Variants in EBF3 observed in about 807,000 individuals in gnomAD.
The protein encoded by EBF3 is transcription factor COE3.
Under a neutral mutation model 77.1 loss-of-function variants are expected in EBF3, and 18 were observed. The observed-to-expected ratio is 0.23, with a 90% CI of 0.16 to 0.35. The LOEUF (loss-of-function observed/expected upper bound fraction) is 0.35, where lower values mean the gene tolerates loss of function less well. Among genes scored for constraint, EBF3 ranks in the 10% least tolerant of loss-of-function variants. The probability of loss-of-function intolerance (pLI) is 1.00; values close to 1 mark genes in which losing one functional copy is unlikely to be tolerated. For missense variants in EBF3, 558 were observed against 860.0 expected, an observed-to-expected ratio of 0.65 and a Z score of 4.39; for synonymous variants, 350 against 343.5, an observed-to-expected ratio of 1.02 and a Z score of -0.21.
chr10:129,896,426 G>A (rs923344743), intron 6 of EBF3, among the ~76,000 whole-genome samples: 10 of 152,294 alleles, frequency 6.6e-5, no homozygotes, highest in South Asian at 4.1e-4. Flanking sequence ...CCGGCCACGC[G>A]GCCACCGTCA....
rs536000857 is a variant in EBF3, at chr10:129,919,457, G to A, written c.554+37801C>T. ...CTCTTCATCCAAGAGACCCACTCAC[G>A]GAGCCTGGGGTACATTCTAGTAGCA... On this transcript the variant is annotated intron_variant, in intron 6 of 16. Transcript: ENST00000440978. Among the ~76,000 whole-genome samples, 9 of 152,204 alleles carry A rather than the reference G, an allele frequency of 5.9e-5. No homozygotes were observed. In the South Asian group the frequency reaches 1.2e-3, roughly 21 times the overall value.
chr10:129,843,707 G>C (rs1219910772), intron 11 of EBF3, among the ~76,000 whole-genome samples: 5 of 152,346 alleles, frequency 3.3e-5, no homozygotes, highest in African/African-American at 1.2e-4. Context: ...ATTTGCAAGT[G>C]AGTTCAGTGC....
chr10:129,869,414 T>C (rs895075511), intron 8 of EBF3, among the ~76,000 whole-genome samples: 70 of 135,386 alleles, frequency 5.2e-4, no homozygotes, highest in Middle Eastern at 3.7e-3. Flanking sequence ...CGCCAGCTCC[T>C]GGCTTTGCTC....
chr10:129,899,159 T>C (rs1185665984), intron 6 of EBF3, among the ~76,000 whole-genome samples: 1 of 152,368 alleles, frequency 6.6e-6, no homozygotes, highest in African/African-American at 2.4e-5. Context: ...TTTAATCTTT[T>C]ATTAAGAGCT....
intron 6 of EBF3, among the ~76,000 whole-genome samples, chr10:129,922,281 T>C (rs1450235440): frequency 6.6e-6 from 1 of 151,758 alleles, no homozygotes; most frequent in Non-Finnish European, 1.5e-5. Flanking sequence ...GTGGGATGCA[T>C]CCCCCCAGCC....
At position 129,876,885 on chromosome 10, in the gene EBF3, A is replaced by ACCCCCCCCCCCCCCCC. The variant is rs10573399; in HGVS notation, c.636+867_636+882dup. Reference sequence around the variant, plus strand: ...TAAATCTATCATAATTCATCCCTGAACCCCCCCCCCCCCCCCACCCAGCTA... The same window carrying ACCCCCCCCCCCCCCCC: ...TAAATCTATCATAATTCATCCCTGAACCCCCCCCCCCCCCCCCCCCCCCCCCCCCCCCACCCAGCTA... On this transcript the variant is annotated intron_variant, in intron 7 of 16. Transcript: ENST00000440978. Among the ~76,000 whole-genome samples, 192 of 42,394 alleles carry ACCCCCCCCCCCCCCCC rather than the reference A, an allele frequency of 4.5e-3. 2 individuals carry two copies. Among genetic ancestry groups the ACCCCCCCCCCCCCCCC allele is most frequent in the Middle Eastern group, 0.021 (1 of 48 alleles). 27.8% of individuals were successfully genotyped at this position (42,394 alleles called of 152,430 possible). A position where few individuals can be genotyped will look rare whatever the true frequency, so the allele number is the denominator to read the frequency against.
intron 8 of EBF3, among the ~76,000 whole-genome samples, chr10:129,868,582 C>A (rs543867749): frequency 1.3e-5 from 2 of 151,732 alleles, no homozygotes; most frequent in Admixed American, 1.3e-4. Context: ...GCTGCTGCAC[C>A]GGCCGCAGAG....
At chr10:129,951,901 A>C (rs1419079588) in intron 6 of EBF3, among the ~76,000 whole-genome samples, 1 of 152,194 alleles carries the variant, frequency 6.6e-6, no homozygotes, top group Non-Finnish European at 1.5e-5. Flanking sequence ...TCAGAAGTTT[A>C]GGGGGAAAAA....
chr10:129,896,456 G>A (rs1260478922), intron 6 of EBF3, among the ~76,000 whole-genome samples: 4 of 152,188 alleles, frequency 2.6e-5, no homozygotes, highest in South Asian at 2.1e-4. Context: ...GCCTGGCGTC[G>A]CCCGCCATTC....
chr10:129,946,900 C>T (rs1589933478), intron 6 of EBF3, among the ~76,000 whole-genome samples: 1 of 152,210 alleles, frequency 6.6e-6, no homozygotes, highest in South Asian at 2.1e-4. Context: ...TGATAGTGAT[C>T]GCTGGCCTCC....
chr10:129,848,323 GCCCC>G lies in EBF3; in HGVS notation c.1128+65_1128+68del. ...ATCCCCCCTTCCCAGAGCACCTGCT[GCCCC>G]CAAACCAGAACCAGCCCAGTGGCGG... On this transcript the variant is annotated intron_variant, in intron 11 of 16. Coordinates refer to ENST00000440978, the MANE Select transcript of EBF3 (RefSeq NM_001375380.1). This position sits in a 1 kb window ranked among gnomAD's most constrained non-coding sequence, Gnocchi z 4.4. 4.7e-6 allele frequency: 7 copies of G among 1,488,700 alleles called. No individual in the cohort carries two copies. The South Asian group carries it at 7.9e-5, about 17-fold the overall frequency. 92.2% of individuals were successfully genotyped at this position (1,488,700 alleles called of 1,614,324 possible).
intron 10 of EBF3, among the ~76,000 whole-genome samples, chr10:129,850,685 G>A (rs962209784): frequency 2.0e-4 from 31 of 152,160 alleles, no homozygotes; most frequent in African/African-American, 6.3e-4. Flanking sequence ...TTTTTAAATT[G>A]CAGGAGGAAT....
chr10:129,878,584 G>A lies in EBF3; in HGVS notation c.555-735C>T, dbSNP rs555498740. On this transcript the variant is annotated intron_variant, in intron 6 of 16. Transcript: ENST00000440978. ...CTCGGGAGGCTGAGGCAGGAGAATC[G>A]CTTGAACCCAGGAGGTTCAGTGAGC... 3.3e-3 allele frequency among the ~76,000 whole-genome samples: 478 copies of A among 146,466 alleles called. 2 individuals are homozygous for A. Among genetic ancestry groups the A allele is most frequent in the Non-Finnish European group, 5.0e-3 (336 of 67,382 alleles).
At chr10:129,940,013 G>A (rs1857620872) in intron 6 of EBF3, among the ~76,000 whole-genome samples, 1 of 152,226 alleles carries the variant, frequency 6.6e-6, no homozygotes, top group Non-Finnish European at 1.5e-5. Context: ...GGATGTATCA[G>A]CCTCTTTTCC....
intron 6 of EBF3, among the ~76,000 whole-genome samples, chr10:129,917,526 T>C (rs559692328): frequency 6.6e-6 from 1 of 151,488 alleles, no homozygotes; most frequent in South Asian, 2.1e-4. Flanking sequence ...GACACAATAA[T>C]GTGCACCTGA....
rs372467959 is a variant in EBF3 at position 129,838,027 on chromosome 10, C to T, written c.1873-67G>A. The stretch of plus-strand genomic sequence containing the variant: ...ACGCGCCCTCCCGCCAACGCTGACG[C>T]GGGCGGGGCTGCCCTTCCCCCCTAT... On this transcript the variant is annotated intron_variant, in intron 16 of 16. Transcript: ENST00000440978. 4.4e-4 allele frequency: 691 copies of T among 1,581,450 alleles called. 3 individuals are homozygous for T. In the African/African-American group the frequency reaches 7.3e-3, roughly 17 times the overall value.
chr10:129,851,057 G>C (rs905048983), intron 10 of EBF3, among the ~76,000 whole-genome samples: 1 of 152,238 alleles, frequency 6.6e-6, no homozygotes, highest in African/African-American at 2.4e-5. Context: ...TTTTAGAACT[G>C]GGTAATTATG....
chr10:129,850,297 G>C (rs1222066103), intron 10 of EBF3, among the ~76,000 whole-genome samples: 1 of 152,228 alleles, frequency 6.6e-6, no homozygotes, highest in Admixed American at 6.5e-5. Context: ...TTTAATGCAA[G>C]CTTTCAGAAG....
intron 10 of EBF3, among the ~76,000 whole-genome samples, chr10:129,854,564 A>G (rs1851113980): frequency 6.6e-6 from 1 of 152,200 alleles, no homozygotes; most frequent in African/African-American, 2.4e-5. Context: ...AAGAGCACCT[A>G]ATGCTTTGCA....
Sources: gnomAD v4.1 joint callset for allele counts (sites outside exome capture counted in the v4.1 genomes callset) on GRCh38, gnomAD v4.1.1 for gene constraint, Gnocchi (gnomAD v3.1) non-coding constraint, MANE v1.5 for transcripts, NCBI Gene and HGNC (gene_info 2026-07-23, HGNC 2026-07-21) for gene names.